Variants in DRC9 observed in about 807,000 individuals in gnomAD.
DRC9 encodes dynein regulatory complex protein 9.
chr3:197,917,095 C>T, the DRC9 span, among the ~76,000 whole-genome samples: 5 of 152,150 alleles, frequency 3.3e-5, no homozygotes, highest in African/African-American at 1.2e-4. Context: ...GCAGGAGGCT[C>T]GCTTGAACCC....
chr3:197,891,466 C>T, the DRC9 span: 1 of 1,593,508 alleles, frequency 6.3e-7, no homozygotes, highest in Non-Finnish European at 8.6e-7. Context: ...CTCTTTAATT[C>T]CAAGAGATCC....
chr3:197,905,561 A>T, the DRC9 span, among the ~76,000 whole-genome samples: 1 of 151,900 alleles, frequency 6.6e-6, no homozygotes, highest in Admixed American at 6.6e-5. Flanking sequence ...AGCCTGACCA[A>T]CATAAGAAAC....
the DRC9 span, among the ~76,000 whole-genome samples, chr3:197,905,546 A>G: frequency 6.6e-6 from 1 of 152,090 alleles, no homozygotes; most frequent in African/African-American, 2.4e-5. Flanking sequence ...CAGGAGTTTG[A>G]GACCAGCCTG....
At chr3:197,942,886 T>TC in the DRC9 span, among the ~76,000 whole-genome samples, 3 of 137,730 alleles carry the variant, frequency 2.2e-5, no homozygotes, top group Non-Finnish European at 4.6e-5. Context: ...AGAGCGAAAC[T>TC]CCATCTCAAA....
At chr3:197,918,239 A>G in the DRC9 span, among the ~76,000 whole-genome samples, 2 of 130,240 alleles carry the variant, frequency 1.5e-5, no homozygotes, top group South Asian at 5.0e-4. Context: ...CCACGCCACC[A>G]CACCCAGCTA....
chr3:197,949,547 G>A, the DRC9 span: 30,133 of 151,956 alleles, frequency 0.2, 4,863 homozygotes, highest in African/African-American at 0.45. Context: ...TCACTATGTT[G>A]CCCAGGCTGG....
the DRC9 span, among the ~76,000 whole-genome samples, chr3:197,938,053 C>T: frequency 9.9e-5 from 15 of 152,150 alleles, no homozygotes; most frequent in African/African-American, 3.1e-4. Context: ...CGGTGGCTCA[C>T]GCCTGTAATC....
the DRC9 span, among the ~76,000 whole-genome samples, chr3:197,944,269 T>C: frequency 6.6e-6 from 1 of 150,432 alleles, no homozygotes; most frequent in African/African-American, 2.5e-5. Flanking sequence ...TTTTTTTTTC[T>C]TTTTTTCAGA....
the DRC9 span, among the ~76,000 whole-genome samples, chr3:197,890,678 G>C: frequency 1.3e-5 from 2 of 152,170 alleles, no homozygotes; most frequent in East Asian, 1.9e-4. Flanking sequence ...TAACATGTTT[G>C]TTGTAAATTC....
At chr3:197,892,663 T>G in the DRC9 span, 1 of 1,614,204 alleles carries the variant, frequency 6.2e-7, no homozygotes, top group Admixed American at 1.7e-5. Flanking sequence ...GCTAAGTCAC[T>G]GGCCTTTGTG....
chr3:197,937,609 A>G, the DRC9 span, among the ~76,000 whole-genome samples: 1 of 151,824 alleles, frequency 6.6e-6, no homozygotes, highest in Non-Finnish European at 1.5e-5. Flanking sequence ...GTGCCGAGGC[A>G]CCTGAGATTA....
chr3:197,929,870 CCGAGGCAGG>C, the DRC9 span, among the ~76,000 whole-genome samples: 6 of 152,014 alleles, frequency 3.9e-5, no homozygotes, highest in Non-Finnish European at 7.4e-5. The surrounding 1 kb of genome is among the most constrained non-coding windows in gnomAD (Gnocchi z 4.6). Context: ...CTTTGGGAGG[CCGAGGCAGG>C]CGAGGCAGGC....
At chr3:197,957,320 C>T in the DRC9 span, 1 of 152,302 alleles carries the variant, frequency 6.6e-6, no homozygotes, top group South Asian at 2.1e-4. Flanking sequence ...GTCCCTCTGT[C>T]ACACTGGCAG....
chr3:197,944,953 CT>C, the DRC9 span, among the ~76,000 whole-genome samples: 9 of 152,106 alleles, frequency 5.9e-5, no homozygotes, highest in African/African-American at 1.7e-4. Context: ...CCAAAATTAA[CT>C]TTTTTTTCCC....
the DRC9 span, chr3:197,959,928 C>T: frequency 2.1e-6 from 1 of 476,528 alleles, no homozygotes; most frequent in Non-Finnish European, 3.8e-6. Context: ...AGGTGCATGT[C>T]ACTTTGGTAA....
the DRC9 span, chr3:197,932,289 C>T: frequency 5.0e-6 from 8 of 1,608,942 alleles, no homozygotes; most frequent in Admixed American, 1.7e-5. Context: ...GCAATCACAT[C>T]GCTGAAAAAC....
At chr3:197,938,647 A>C in the DRC9 span, 1 of 1,614,178 alleles carries the variant, frequency 6.2e-7, no homozygotes. Flanking sequence ...CTCCACAGCG[A>C]ACCGGCCTCT....
At chr3:197,926,298 G>A in the DRC9 span, among the ~76,000 whole-genome samples, 1,067 of 152,172 alleles carry the variant, frequency 7.0e-3, 7 homozygotes, top group Non-Finnish European at 0.012. Flanking sequence ...GCTGGTCCAC[G>A]TCACATTTTC....
chr3:197,915,644 T>C, the DRC9 span, among the ~76,000 whole-genome samples: 2 of 152,180 alleles, frequency 1.3e-5, no homozygotes, highest in Non-Finnish European at 2.9e-5. Context: ...TTACATTTTT[T>C]TTGAGATGGA....
Sources: gnomAD v4.1 joint callset for allele counts (sites outside exome capture counted in the v4.1 genomes callset) on GRCh38, gnomAD v4.1.1 for gene constraint, Gnocchi (gnomAD v3.1) non-coding constraint, MANE v1.5 for transcripts, NCBI Gene and HGNC (gene_info 2026-07-23, HGNC 2026-07-21) for gene names.